ARHGAP15: variants seen among roughly 807,000 people sequenced by gnomAD.
ARHGAP15 encodes Rho GTPase activating protein 15, also known as rho GTPase-activating protein 15.
A neutral mutation model predicts 63.7 loss-of-function variants in ARHGAP15; 51 were observed. The ratio of observed to expected loss-of-function variants is 0.80; its 90% CI spans 0.64 to 1.01. The LOEUF (loss-of-function observed/expected upper bound fraction) is 1.01, where lower values mean the gene tolerates loss of function less well. Ranked by LOEUF, ARHGAP15 falls within the 50% of genes least tolerant of loss-of-function variation. The pLI, the probability that ARHGAP15 is intolerant of heterozygous loss-of-function variation, is 0.00. For missense variants in ARHGAP15, 560 were observed against 564.6 expected (o/e 0.99, Z 0.08); for synonymous variants, 191 against 193.8 (o/e 0.99, Z 0.12).
chr2:143,734,293 G>A (rs1316368982), intron 13 of ARHGAP15, among the ~76,000 whole-genome samples: 1 of 152,168 alleles, frequency 6.6e-6, no homozygotes, highest in East Asian at 1.9e-4. Context: ...TCATGAGATG[G>A]AGCCTAAGGG....
intron 13 of ARHGAP15, among the ~76,000 whole-genome samples, chr2:143,724,823 C>T (rs373063575): frequency 1.3e-5 from 2 of 152,166 alleles, no homozygotes; most frequent in South Asian, 2.1e-4. Flanking sequence ...AAATTCACAA[C>T]GATCAGCATT....
intron 6 of ARHGAP15, among the ~76,000 whole-genome samples, chr2:143,409,545 A>C (rs1261861258): frequency 6.6e-6 from 1 of 152,060 alleles, no homozygotes; most frequent in Non-Finnish European, 1.5e-5. Flanking sequence ...CTCTGAAAAA[A>C]TGTTATTATT....
At chr2:143,193,824 C>T (rs1481047453) in intron 2 of ARHGAP15, among the ~76,000 whole-genome samples, 1 of 152,132 alleles carries the variant, frequency 6.6e-6, no homozygotes, top group Non-Finnish European at 1.5e-5. Flanking sequence ...CTTTGTCAAA[C>T]TTGACATATC....
chr2:143,307,158 G>T (rs569723458), intron 6 of ARHGAP15, among the ~76,000 whole-genome samples: 31 of 152,134 alleles, frequency 2.0e-4, no homozygotes, highest in African/African-American at 6.7e-4. Flanking sequence ...CTTTTTCTGG[G>T]GAAGGGCTTG....
intron 11 of ARHGAP15, among the ~76,000 whole-genome samples, chr2:143,612,986 G>A (rs746148317): frequency 6.6e-6 from 1 of 152,170 alleles, no homozygotes; most frequent in African/African-American, 2.4e-5. Flanking sequence ...GCTCAATGAC[G>A]CTTAAAGTTT....
At chr2:143,670,696 C>T (rs1286137942) in intron 12 of ARHGAP15, among the ~76,000 whole-genome samples, 1 of 152,198 alleles carries the variant, frequency 6.6e-6, no homozygotes, top group Non-Finnish European at 1.5e-5. Context: ...CCCAAGTCCT[C>T]ATTGTCTCTT....
intron 13 of ARHGAP15, among the ~76,000 whole-genome samples, chr2:143,751,977 T>C (rs1463647643): frequency 6.6e-6 from 1 of 152,188 alleles, no homozygotes; most frequent in Non-Finnish European, 1.5e-5. Flanking sequence ...AGACAGTGAT[T>C]TGATATATCA....
intron 8 of ARHGAP15, among the ~76,000 whole-genome samples, chr2:143,441,039 T>C (rs1019028449): frequency 6.6e-6 from 1 of 152,120 alleles, no homozygotes; most frequent in Non-Finnish European, 1.5e-5. Context: ...AAGGATCGTG[T>C]GAGAATTTGA....
chr2:143,494,360 T>C lies in ARHGAP15; in HGVS notation c.826+6865T>C, dbSNP rs184103503. On this transcript the variant is annotated intron_variant, in intron 9 of 13. Coordinates refer to ENST00000295095, the MANE Select transcript of ARHGAP15 (RefSeq NM_018460.4). ...AGATTTGTTTCCCATTCTTCTTTTTTTGCACATCTCATTTCTCACATACCA... is the reference window on the plus strand; with the variant it reads ...AGATTTGTTTCCCATTCTTCTTTTTCTGCACATCTCATTTCTCACATACCA... Among the ~76,000 whole-genome samples the C allele has an allele frequency of 1.3e-4, 20 of 152,316 alleles. No homozygotes were observed. The East Asian group carries it at 3.9e-3, about 29-fold the overall frequency.
At chr2:143,638,402 C>CAA (rs527310833) in intron 12 of ARHGAP15, among the ~76,000 whole-genome samples, 1 of 142,234 alleles carries the variant, frequency 7.0e-6, no homozygotes, top group Admixed American at 7.1e-5. Flanking sequence ...ATCTCAAGAA[C>CAA]AAAAAACCAA....
At chr2:143,361,704 CTCT>C (rs1686063665) in intron 6 of ARHGAP15, among the ~76,000 whole-genome samples, 1 of 152,084 alleles carries the variant, frequency 6.6e-6, no homozygotes, top group South Asian at 2.1e-4. Flanking sequence ...ATTCTGCTTC[CTCT>C]TCTTTAGTTC....
intron 2 of ARHGAP15, among the ~76,000 whole-genome samples, chr2:143,198,056 T>G (rs969291540): frequency 6.6e-6 from 1 of 151,842 alleles, no homozygotes; most frequent in Non-Finnish European, 1.5e-5. Flanking sequence ...TAGATCTAGG[T>G]TAAAATACTA....
At chr2:143,569,306 G>A (rs966236113) in intron 11 of ARHGAP15, among the ~76,000 whole-genome samples, 2 of 152,088 alleles carry the variant, frequency 1.3e-5, no homozygotes, top group African/African-American at 4.8e-5. Context: ...CATCCATTTT[G>A]GTGTCAAGAG....
At chr2:143,637,192 G>A (rs756399117) in intron 12 of ARHGAP15, among the ~76,000 whole-genome samples, 2 of 152,108 alleles carry the variant, frequency 1.3e-5, no homozygotes, top group Non-Finnish European at 1.5e-5. Context: ...CAGTGAATAA[G>A]AGAAATCATA....
chr2:143,447,697 G>C (rs1690208278), intron 8 of ARHGAP15, among the ~76,000 whole-genome samples: 1 of 152,178 alleles, frequency 6.6e-6, no homozygotes, highest in African/African-American at 2.4e-5. Flanking sequence ...AGAATTATTA[G>C]CTTGGCTCAA....
chr2:143,632,432 A>G, intron 12 of ARHGAP15, among the ~76,000 whole-genome samples: 1 of 152,152 alleles, frequency 6.6e-6, no homozygotes, highest in Admixed American at 6.6e-5. Context: ...ATGATGTTAC[A>G]TACAAGTCTT....
chr2:143,711,277 C>CAGAT, intron 13 of ARHGAP15, among the ~76,000 whole-genome samples: 1 of 152,186 alleles, frequency 6.6e-6, no homozygotes, highest in East Asian at 1.9e-4. Flanking sequence ...TCTCCTGAGG[C>CAGAT]AGATAAATTA....
chr2:143,582,792 A>G (rs1309377583), intron 11 of ARHGAP15, among the ~76,000 whole-genome samples: 1 of 152,220 alleles, frequency 6.6e-6, no homozygotes, highest in Non-Finnish European at 1.5e-5. Flanking sequence ...AAAGTCATAT[A>G]AAACACTTCT....
chr2:143,592,807 T>C (rs1402064873), intron 11 of ARHGAP15, among the ~76,000 whole-genome samples: 2 of 152,226 alleles, frequency 1.3e-5, no homozygotes, highest in African/African-American at 2.4e-5. Flanking sequence ...CCAGAAGAAT[T>C]GAGCTGTAGC....
Sources: allele counts gnomAD v4.1 joint callset (sites outside exome capture counted in the v4.1 genomes callset), GRCh38; gene constraint gnomAD v4.1.1; transcripts MANE v1.5; gene names NCBI Gene and HGNC (gene_info 2026-07-23, HGNC 2026-07-21).